LRRC8D: variants seen among roughly 807,000 people sequenced by gnomAD.
LRRC8D encodes the protein leucine rich repeat containing 8 VRAC subunit D.
In LRRC8D, 20 loss-of-function variants were observed where a neutral mutation model predicts 55.8. The ratio of observed to expected loss-of-function variants is 0.36; its 90% CI spans 0.25 to 0.52. The LOEUF is 0.52. Ranked by LOEUF, LRRC8D falls within the 20% of genes least tolerant of loss-of-function variation. The pLI, the probability that LRRC8D is intolerant of heterozygous loss-of-function variation, is 0.93. For synonymous variants in LRRC8D, 352 were observed against 377.0 expected (o/e 0.93, Z 0.77); for missense variants, 651 against 1,030.8 (o/e 0.63, Z 5.05).
intron 2 of LRRC8D, among the ~76,000 whole-genome samples, chr1:89,884,874 T>C (rs957070489): frequency 6.6e-6 from 1 of 152,196 alleles, no homozygotes; most frequent in Non-Finnish European, 1.5e-5. Flanking sequence ...ACCCGAACTA[T>C]TACAGTTCCC....
intron 2 of LRRC8D, among the ~76,000 whole-genome samples, chr1:89,893,397 G>A (rs1167303136): frequency 6.6e-6 from 1 of 152,084 alleles, no homozygotes; most frequent in Admixed American, 6.5e-5. Context: ...TTTTTTCCTA[G>A]AAAGCATCTA....
intron 2 of LRRC8D, among the ~76,000 whole-genome samples, chr1:89,907,874 C>T (rs992110858): frequency 6.6e-6 from 1 of 152,200 alleles, no homozygotes; most frequent in Non-Finnish European, 1.5e-5. Context: ...TTGTCTCCCA[C>T]CAACCCAGTG....
At chr1:89,830,325 C>G (rs1422021555) in intron 1 of LRRC8D, among the ~76,000 whole-genome samples, 1 of 152,156 alleles carries the variant, frequency 6.6e-6, no homozygotes, top group Non-Finnish European at 1.5e-5. Context: ...GCACAAAACA[C>G]ACCCTTCCTA....
At chr1:89,869,130 C>T (rs1364332472) in intron 2 of LRRC8D, among the ~76,000 whole-genome samples, 3 of 152,246 alleles carry the variant, frequency 2.0e-5, no homozygotes, top group African/African-American at 7.2e-5. Flanking sequence ...TGGTCTCGAG[C>T]TCCTGACCTC....
chr1:89,827,159 T>A (rs1053371068), intron 1 of LRRC8D, among the ~76,000 whole-genome samples: 8 of 152,172 alleles, frequency 5.3e-5, no homozygotes, highest in East Asian at 3.9e-4. Context: ...GAGACCAGCC[T>A]GGCCAACCTG....
chr1:89,847,887 G>A (rs1024029936), intron 2 of LRRC8D, among the ~76,000 whole-genome samples: 50 of 152,166 alleles, frequency 3.3e-4, no homozygotes, highest in African/African-American at 1.2e-3. Flanking sequence ...TTGTAAAATA[G>A]CACTGCATGT....
intron 2 of LRRC8D, among the ~76,000 whole-genome samples, chr1:89,906,167 AC>A (rs1557477890): frequency 6.6e-6 from 1 of 152,158 alleles, no homozygotes; most frequent in Non-Finnish European, 1.5e-5. Context: ...TTCAAGCATC[AC>A]TTTTAGGCTT....
At chr1:89,927,340 G>A (rs539311712) in intron 2 of LRRC8D, among the ~76,000 whole-genome samples, 2 of 151,982 alleles carry the variant, frequency 1.3e-5, no homozygotes, top group Non-Finnish European at 2.9e-5. Flanking sequence ...TGAGTGTACA[G>A]ATCACATTTT....
At chr1:89,832,279 A>G (rs1021787896) in intron 1 of LRRC8D, among the ~76,000 whole-genome samples, 2 of 152,246 alleles carry the variant, frequency 1.3e-5, no homozygotes, top group South Asian at 2.1e-4. Context: ...GCAGAATCCT[A>G]GTCTGAGAGG....
At chr1:89,859,890 A>C (rs1199022491) in intron 2 of LRRC8D, among the ~76,000 whole-genome samples, 4 of 152,216 alleles carry the variant, frequency 2.6e-5, no homozygotes, top group Non-Finnish European at 5.9e-5. Context: ...GGAAAGTGAA[A>C]ATTGTTAAAT....
intron 2 of LRRC8D, among the ~76,000 whole-genome samples, chr1:89,910,337 A>G (rs1455830770): frequency 6.6e-6 from 1 of 152,180 alleles, no homozygotes; most frequent in Non-Finnish European, 1.5e-5. Context: ...TGTTTGTCTC[A>G]TAGTAGTTTG....
chr1:89,822,499 A>G (rs1376120152), intron 1 of LRRC8D, among the ~76,000 whole-genome samples: 1 of 152,192 alleles, frequency 6.6e-6, no homozygotes, highest in African/African-American at 2.4e-5. Flanking sequence ...GGAAGAGCTG[A>G]TTTCTGGAAA....
chr1:89,892,976 T>C (rs1225883097), intron 2 of LRRC8D, among the ~76,000 whole-genome samples: 1 of 152,212 alleles, frequency 6.6e-6, no homozygotes, highest in Non-Finnish European at 1.5e-5. Flanking sequence ...TTCATTCATT[T>C]ATTTATTTAT....
At chr1:89,887,113 A>G (rs1376173867) in intron 2 of LRRC8D, among the ~76,000 whole-genome samples, 3 of 152,176 alleles carry the variant, frequency 2.0e-5, no homozygotes, top group Non-Finnish European at 4.4e-5. Context: ...TGAATATACT[A>G]GTCGTTTACA....
chr1:89,892,961 GTTCATTCA>G lies in LRRC8D; in HGVS notation c.-2-40099_-2-40092del, dbSNP rs546870341. Among the ~76,000 whole-genome samples the G allele has an allele frequency of 2.7e-3, 404 of 152,220 alleles. 6 individuals carry two copies. The highest frequency in any genetic ancestry group is 9.4e-3 in the African/African-American group (389 of 41,538). ...CTTTCAGTTGACATGTGGTTAATTT[GTTCATTCA>G]TTCATTTATTTATTTATTAAACAGA... On this transcript the variant is annotated intron_variant, in intron 2 of 2. Coordinates refer to ENST00000337338, the MANE Select transcript of LRRC8D (RefSeq NM_001134479.2).
intron 2 of LRRC8D, among the ~76,000 whole-genome samples, chr1:89,904,805 A>G (rs550951402): frequency 2.0e-5 from 3 of 152,262 alleles, no homozygotes; most frequent in South Asian, 2.1e-4. Context: ...AACTTTTTGA[A>G]CAGTTTTTTC....
intron 2 of LRRC8D, among the ~76,000 whole-genome samples, chr1:89,900,018 A>C (rs931828312): frequency 6.6e-6 from 1 of 152,212 alleles, no homozygotes; most frequent in Non-Finnish European, 1.5e-5. Flanking sequence ...AGAATCTTAC[A>C]GCTTTAGTGA....
chr1:89,834,931 C>T (rs1660970263), intron 1 of LRRC8D, among the ~76,000 whole-genome samples: 1 of 152,184 alleles, frequency 6.6e-6, no homozygotes, highest in South Asian at 2.1e-4. Flanking sequence ...TACAGAGGGC[C>T]TAGAGTGTCC....
intron 2 of LRRC8D, among the ~76,000 whole-genome samples, chr1:89,925,793 G>A (rs1663547096): frequency 6.6e-6 from 1 of 152,198 alleles, no homozygotes; most frequent in African/African-American, 2.4e-5. Context: ...CATTTTTGGT[G>A]GGTAAAATGG....
Sources: gnomAD v4.1 joint callset for allele counts (sites outside exome capture counted in the v4.1 genomes callset) on GRCh38, gnomAD v4.1.1 for gene constraint, MANE v1.5 for transcripts, NCBI Gene and HGNC (gene_info 2026-07-23, HGNC 2026-07-21) for gene names.